RABGAP1: variants seen among roughly 807,000 people sequenced by gnomAD.
The protein encoded by RABGAP1 is rab GTPase-activating protein 1.
RABGAP1 carries 23 observed loss-of-function variants against 137.6 expected under a neutral mutation model. The observed-to-expected ratio is 0.17, with a 90% CI of 0.12 to 0.24. RABGAP1 has a LOEUF of 0.24. Among genes scored for constraint, RABGAP1 ranks in the 10% least tolerant of loss-of-function variants. The pLI is 1.00. For synonymous variants in RABGAP1, 451 were observed against 450.7 expected (o/e 1.00, Z -0.01); for missense variants, 906 against 1,275.8 (o/e 0.71, Z 4.42).
intron 13 of RABGAP1, among the ~76,000 whole-genome samples, chr9:123,048,649 T>A (rs2132050675): frequency 6.6e-6 from 1 of 152,320 alleles, no homozygotes; most frequent in Admixed American, 6.5e-5. Flanking sequence ...TCAGAAACAT[T>A]TGTTTGGAAT....
At chr9:122,965,090 A>G (rs972240844) in intron 2 of RABGAP1, among the ~76,000 whole-genome samples, 5 of 152,232 alleles carry the variant, frequency 3.3e-5, no homozygotes, top group Non-Finnish European at 7.3e-5. Flanking sequence ...TAGGAAGTAT[A>G]AAGAACTAAA....
intron 2 of RABGAP1, among the ~76,000 whole-genome samples, chr9:122,968,285 C>T (rs549425580): frequency 7.1e-6 from 1 of 141,344 alleles, no homozygotes; most frequent in African/African-American, 2.6e-5. Flanking sequence ...TGCAGTGGTG[C>T]AATCTCAGCT....
intron 4 of RABGAP1, among the ~76,000 whole-genome samples, chr9:122,987,059 C>T (rs1288934756): frequency 6.6e-6 from 1 of 152,018 alleles, no homozygotes; most frequent in African/African-American, 2.4e-5. Context: ...ATCACCTGAG[C>T]CTGGGAGTTC....
chr9:122,961,670 A>C (rs1057101831), intron 2 of RABGAP1, among the ~76,000 whole-genome samples: 1 of 152,322 alleles, frequency 6.6e-6, no homozygotes, highest in Non-Finnish European at 1.5e-5. Flanking sequence ...TGTTGTGTAT[A>C]TATCATGTGT....
chr9:122,990,103 C>T lies in RABGAP1; in HGVS notation c.813C>T (p.Ala271=). 6.2e-7 allele frequency: 1 copy of T among 1,610,912 alleles called. No homozygotes were observed. Among genetic ancestry groups the T allele is most frequent in the Non-Finnish European group, 8.5e-7 (1 of 1,177,212 alleles). ...TTGCCACTGCCTTCCGCCGTTCTGCCAAGCAGACCCCACTTTCAGCCACTG... is the reference window on the plus strand; with the variant it reads ...TTGCCACTGCCTTCCGCCGTTCTGCTAAGCAGACCCCACTTTCAGCCACTG... ...YSFATAFRRS[A]KQTPLSATAA... Residue 271 remains alanine, a synonymous_variant, in exon 6 of 26, where the codon GCC becomes GCT. Coordinates refer to ENST00000373647, the MANE Select transcript of RABGAP1 (RefSeq NM_012197.4).
chr9:122,936,386 A>G (rs1177122811), upstream of RABGAP1, among the ~76,000 whole-genome samples: 1 of 152,188 alleles, frequency 6.6e-6, no homozygotes, highest in Non-Finnish European at 1.5e-5. Flanking sequence ...CACCTAGACA[A>G]CAGTTCTACC....
intron 13 of RABGAP1, among the ~76,000 whole-genome samples, chr9:123,025,292 G>C (rs962037181): frequency 6.6e-6 from 1 of 152,062 alleles, no homozygotes; most frequent in Non-Finnish European, 1.5e-5. Context: ...GATTAAAAAG[G>C]CTTTGTATTA....
At chr9:123,102,429 G>A (rs1175788496) in intron 25 of RABGAP1, among the ~76,000 whole-genome samples, 2 of 152,164 alleles carry the variant, frequency 1.3e-5, no homozygotes, top group Non-Finnish European at 2.9e-5. Flanking sequence ...CACATTCACT[G>A]GGCATCTGCT....
At chr9:123,085,321 G>A (rs1203474745) in intron 19 of RABGAP1, among the ~76,000 whole-genome samples, 2 of 152,212 alleles carry the variant, frequency 1.3e-5, no homozygotes, top group African/African-American at 4.8e-5. Context: ...GAGAGGGGAA[G>A]TTGGCTTCTG....
intron 2 of RABGAP1, chr9:122,971,787 T>A (rs1835485045): frequency 6.6e-6 from 1 of 152,114 alleles, no homozygotes; most frequent in South Asian, 2.1e-4. Flanking sequence ...TTGAAAGATA[T>A]GAAAGACCAC....
chr9:123,093,983 C>G (rs545451312), intron 21 of RABGAP1, among the ~76,000 whole-genome samples: 1 of 152,262 alleles, frequency 6.6e-6, no homozygotes, highest in East Asian at 1.9e-4. Context: ...GTTCAATTTA[C>G]AAGACGTGCA....
chr9:122,974,041 A>G (rs1320751222), intron 2 of RABGAP1, among the ~76,000 whole-genome samples: 2 of 152,078 alleles, frequency 1.3e-5, no homozygotes, highest in Admixed American at 1.3e-4. Context: ...GAACCTGGTA[A>G]TCTTGTCCTC....
rs763539021 is a variant in RABGAP1 at position 123,070,801 on chromosome 9, G to A, written c.1983+377G>A. Among the ~76,000 whole-genome samples the A allele has an allele frequency of 6.6e-6, 1 of 152,106 alleles. No individual in the cohort carries two copies. The highest frequency in any genetic ancestry group is 1.5e-5 in the Non-Finnish European group (1 of 68,002). On this transcript the variant is annotated intron_variant, in intron 15 of 25. Coordinates refer to ENST00000373647, the MANE Select transcript of RABGAP1 (RefSeq NM_012197.4). The surrounding 1 kb of genome is among the most constrained non-coding windows in gnomAD (Gnocchi z 4.4). ...AGGCGGAAAAGTTGGTTTTCTTTTA[G>A]TACCATTTTATTCATTCATTGGCTT...
At chr9:123,079,586 A>C (rs1362292143) in intron 19 of RABGAP1, among the ~76,000 whole-genome samples, 1 of 152,016 alleles carries the variant, frequency 6.6e-6, no homozygotes, top group African/African-American at 2.4e-5. Flanking sequence ...ACGGTTTTAT[A>C]CATAAAGATT....
At chr9:122,935,964 T>G (rs2131551257), upstream of RABGAP1, among the ~76,000 whole-genome samples, 1 of 152,318 alleles carries the variant, frequency 6.6e-6, no homozygotes, top group Admixed American at 6.5e-5. Flanking sequence ...AGTTTTTTTT[T>G]TCTTTCTTTC....
chr9:122,934,949 CT>C, the RABGAP1 span, among the ~76,000 whole-genome samples: 1 of 152,116 alleles, frequency 6.6e-6, no homozygotes, highest in Non-Finnish European at 1.5e-5. Flanking sequence ...ACCTTGACTC[CT>C]TTCTGTCTTT....
In RABGAP1 at chr9:122,984,634, C is replaced by G. The variant is rs376306008; in HGVS notation, c.300C>G (p.Leu100=). ...GAGATGGGCCTCTTTCTAATCAGCT[C>G]TCCGCTTCATCCACCATTAACCCTG... is the stretch of plus-strand genomic sequence containing the variant. ...GEGDGPLSNQ[L]SASSTINPVP... The change falls in exon 3 of 26, where the codon CTC becomes CTG. Residue 100 remains leucine, a synonymous_variant. Transcript: ENST00000373647. 7.4e-6 allele frequency: 12 copies of G among 1,614,050 alleles called. No individual in the cohort carries two copies. The South Asian group carries it at 1.2e-4, about 16-fold the overall frequency.
chr9:123,080,094 A>G (rs1211880199), intron 19 of RABGAP1, among the ~76,000 whole-genome samples: 1 of 152,196 alleles, frequency 6.6e-6, no homozygotes, highest in Admixed American at 6.5e-5. Context: ...TTGGATTCCC[A>G]TTAGCTTGAA....
At chr9:122,993,798 G>A (rs1836871187) in intron 6 of RABGAP1, among the ~76,000 whole-genome samples, 1 of 151,890 alleles carries the variant, frequency 6.6e-6, no homozygotes, top group Non-Finnish European at 1.5e-5. Flanking sequence ...TAAGTAGCTG[G>A]GATTACAGAC....
Sources: allele counts gnomAD v4.1 joint callset (sites outside exome capture counted in the v4.1 genomes callset), GRCh38; gene constraint gnomAD v4.1.1; non-coding constraint Gnocchi (gnomAD v3.1); transcripts MANE v1.5; gene names NCBI Gene and HGNC (gene_info 2026-07-23, HGNC 2026-07-21).